WWOX: variants seen among roughly 807,000 people sequenced by gnomAD.
WWOX encodes the protein WW domain containing oxidoreductase.
In WWOX, 69 loss-of-function variants were observed where a neutral mutation model predicts 46.2. The observed-to-expected ratio is 1.49, with a 90% CI of 1.23 to 1.82. The LOEUF (loss-of-function observed/expected upper bound fraction) is 1.82, where lower values mean the gene tolerates loss of function less well. WWOX is among the 40% of genes most tolerant of loss of function. The probability of loss-of-function intolerance (pLI) is 0.00; values close to 1 mark genes in which losing one functional copy is unlikely to be tolerated. For missense variants in WWOX, 919 were observed against 542.6 expected (o/e 1.69, Z -6.89); for synonymous variants, 359 against 202.6 (o/e 1.77, Z -6.56).
chr16:78,927,011 G>T (rs868587575), intron 8 of WWOX, among the ~76,000 whole-genome samples: 2 of 152,148 alleles, frequency 1.3e-5, no homozygotes, highest in Non-Finnish European at 2.9e-5. Context: ...TCCCAGGCTG[G>T]TTTTAAACTC....
intron 8 of WWOX, among the ~76,000 whole-genome samples, chr16:78,443,389 C>T (rs1410034820): frequency 3.3e-5 from 5 of 152,114 alleles, no homozygotes; most frequent in African/African-American, 1.2e-4. Flanking sequence ...CAGAACTCAG[C>T]AGGCTTCCAC....
At chr16:79,057,407 C>G (rs2048282822) in intron 8 of WWOX, among the ~76,000 whole-genome samples, 1 of 152,332 alleles carries the variant, frequency 6.6e-6, no homozygotes, top group Admixed American at 6.5e-5. Context: ...TTTTTACCAA[C>G]TGTTTTTGCT....
chr16:78,536,085 G>A (rs1160926978), intron 8 of WWOX, among the ~76,000 whole-genome samples: 1 of 152,170 alleles, frequency 6.6e-6, no homozygotes, highest in Non-Finnish European at 1.5e-5. Context: ...TGCTTGCCAT[G>A]GGGCCTTGTA....
intron 8 of WWOX, among the ~76,000 whole-genome samples, chr16:78,619,142 AATATATATATATAT>A (rs71140816): frequency 1.1e-4 from 1 of 9,078 alleles, no homozygotes; most frequent in Non-Finnish European, 2.1e-4. Context: ...CTAAAAAAAA[AATATATATATATAT>A]ATATATATAT....
chr16:78,761,506 G>C (rs74033562), intron 8 of WWOX, among the ~76,000 whole-genome samples: 1 of 152,140 alleles, frequency 6.6e-6, no homozygotes, highest in East Asian at 1.9e-4. Flanking sequence ...TTGGTCTGCT[G>C]CTTTTCTTTC....
At chr16:78,950,122 T>A (rs1284607276) in intron 8 of WWOX, among the ~76,000 whole-genome samples, 1 of 152,178 alleles carries the variant, frequency 6.6e-6, no homozygotes, top group Non-Finnish European at 1.5e-5. Flanking sequence ...TGTTTTTGTT[T>A]TTGTATTTTG....
At chr16:79,007,966 C>G (rs1597268306) in intron 8 of WWOX, among the ~76,000 whole-genome samples, 2 of 152,256 alleles carry the variant, frequency 1.3e-5, no homozygotes, top group South Asian at 4.2e-4. Context: ...AAGAAATTAC[C>G]ACAAATTTAG....
rs2047574432 is a variant in WWOX at position 78,675,485 on chromosome 16, C to T, written c.1056+242733C>T. 3.3e-5 allele frequency among the ~76,000 whole-genome samples: 5 copies of T among 152,146 alleles called. No homozygotes were observed. In the Middle Eastern group the frequency reaches 0.014, roughly 414 times the overall value. ...TTTATGGGCCTTGCCATGTTCCAGG[C>T]ACGGTTGTAAGCACTTACAACTAGT... On this transcript the variant is annotated intron_variant, in intron 8 of 8. Coordinates refer to ENST00000566780, the MANE Select transcript of WWOX (RefSeq NM_016373.4).
At chr16:78,631,541 T>C (rs1388963663) in intron 8 of WWOX, among the ~76,000 whole-genome samples, 1 of 50,084 alleles carries the variant, frequency 2.0e-5, no homozygotes, top group African/African-American at 3.5e-5. Flanking sequence ...TAAAATATTC[T>C]TTTTTTTTTT....
intron 8 of WWOX, among the ~76,000 whole-genome samples, chr16:79,151,539 G>T (rs2050279165): frequency 6.6e-6 from 1 of 152,178 alleles, no homozygotes; most frequent in South Asian, 2.1e-4. Context: ...AGACAAACAG[G>T]GCTCCAATTA....
intron 6 of WWOX, among the ~76,000 whole-genome samples, chr16:78,391,809 C>T (rs187079661): frequency 2.6e-5 from 4 of 152,294 alleles, no homozygotes; most frequent in African/African-American, 4.8e-5. Context: ...CGAGATCATG[C>T]CTGGGGGACA....
chr16:78,371,749 T>G (rs2081694513), intron 5 of WWOX, among the ~76,000 whole-genome samples: 1 of 152,226 alleles, frequency 6.6e-6, no homozygotes, highest in Non-Finnish European at 1.5e-5. Flanking sequence ...ATATTTGCTA[T>G]ACTAGCTATT....
intron 8 of WWOX, among the ~76,000 whole-genome samples, chr16:78,799,627 C>CG: frequency 6.6e-6 from 1 of 151,260 alleles, no homozygotes; most frequent in South Asian, 2.1e-4. Flanking sequence ...TTTGGACGGC[C>CG]CCCTGAACCT....
intron 5 of WWOX, among the ~76,000 whole-genome samples, chr16:78,235,143 A>G: frequency 6.6e-6 from 1 of 152,312 alleles, no homozygotes; most frequent in South Asian, 2.1e-4. Context: ...TAAAATTATT[A>G]TAAAATATTT....
rs1555569769 is a variant in WWOX, at chr16:78,590,146, G to GTCTA, written c.1056+157397_1056+157398insATCT. Reference sequence around the variant, plus strand: ...ATGTCTGATAGATATTAGGCATTCAGTCTCTCTCTCTCTCTCTGTTTATTA... The same window carrying GTCTA: ...ATGTCTGATAGATATTAGGCATTCAGTCTATCTCTCTCTCTCTCTCTGTTTATTA... On this transcript the variant is annotated intron_variant, in intron 8 of 8. Transcript: ENST00000566780. Among the ~76,000 whole-genome samples, 5 of 149,728 alleles carry GTCTA rather than the reference G, an allele frequency of 3.3e-5. No homozygotes were observed. The East Asian group carries it at 9.8e-4, about 29-fold the overall frequency.
intron 5 of WWOX, among the ~76,000 whole-genome samples, chr16:78,330,151 C>G (rs2151891414): frequency 6.6e-6 from 1 of 152,204 alleles, no homozygotes; most frequent in African/African-American, 2.4e-5. Flanking sequence ...GAAAACATTC[C>G]TTAAAAATTG....
chr16:78,652,002 A>G (rs1048075712), intron 8 of WWOX, among the ~76,000 whole-genome samples: 3 of 152,140 alleles, frequency 2.0e-5, no homozygotes, highest in Non-Finnish European at 2.9e-5. Flanking sequence ...TAGATCAGGT[A>G]TAAGGTGGAT....
At chr16:79,009,103 G>A (rs1225768543) in intron 8 of WWOX, among the ~76,000 whole-genome samples, 7 of 152,170 alleles carry the variant, frequency 4.6e-5, no homozygotes, top group South Asian at 2.1e-4. Context: ...AGAGGTGTCC[G>A]CAGGCCTCCT....
At chr16:78,815,490 G>C (rs762429117) in intron 8 of WWOX, among the ~76,000 whole-genome samples, 1 of 152,078 alleles carries the variant, frequency 6.6e-6, no homozygotes, top group African/African-American at 2.4e-5. Flanking sequence ...TACGTTACCC[G>C]TTTTGAGTGT....
Sources: allele counts gnomAD v4.1 joint callset (sites outside exome capture counted in the v4.1 genomes callset), GRCh38; gene constraint gnomAD v4.1.1; transcripts MANE v1.5; gene names NCBI Gene and HGNC (gene_info 2026-07-23, HGNC 2026-07-21).